POLA2: variants seen among roughly 807,000 people sequenced by gnomAD.
The protein encoded by POLA2 is DNA polymerase alpha 2, accessory subunit.
POLA2 carries 47 observed loss-of-function variants against 82.8 expected under a neutral mutation model. The ratio of observed to expected loss-of-function variants is 0.57; its 90% CI spans 0.45 to 0.72. The LOEUF is 0.72. Among genes scored for constraint, POLA2 ranks in the 30% least tolerant of loss-of-function variants. The probability of loss-of-function intolerance (pLI) is 0.00; values close to 1 mark genes in which losing one functional copy is unlikely to be tolerated. For synonymous variants in POLA2, 287 were observed against 286.8 expected (o/e 1.00, Z -0.01); for missense variants, 634 against 728.1 (o/e 0.87, Z 1.49).
At chr11:65,280,497 T>C (rs2137541132) in intron 7 of POLA2, 1 of 153,000 alleles carries the variant, frequency 6.5e-6, no homozygotes, top group South Asian at 2.1e-4. Context: ...TTTCTGTTGC[T>C]TGTTTTCCTC....
intron 4 of POLA2, among the ~76,000 whole-genome samples, chr11:65,274,800 G>A (rs1317190683): frequency 6.6e-5 from 10 of 152,084 alleles, no homozygotes; most frequent in African/African-American, 1.2e-4. Context: ...ACTATAATTT[G>A]TATATTCTAA....
chr11:65,294,423 G>T, intron 14 of POLA2, 123 bp from the exon 15 acceptor site: 1 of 978,922 alleles, frequency 1.0e-6, no homozygotes, highest in Non-Finnish European at 1.6e-6. Context: ...CCAAAAGCTT[G>T]ATGTATGTTG....
chr11:65,273,287 A>G (rs1251408478), intron 4 of POLA2, among the ~76,000 whole-genome samples: 1 of 152,118 alleles, frequency 6.6e-6, no homozygotes, highest in Admixed American at 6.6e-5. Context: ...GCCACTGCAC[A>G]CTCCACCCTG....
At chr11:65,279,688 G>A in intron 7 of POLA2, 62 bp downstream of exon 7, 1 of 1,134,430 alleles carries the variant, frequency 8.8e-7, no homozygotes, top group East Asian at 2.5e-5. Context: ...ATGACCAAGA[G>A]GCATCCTTCT....
downstream of POLA2, among the ~76,000 whole-genome samples, chr11:65,301,951 T>C (rs1335485575): frequency 6.6e-6 from 1 of 152,152 alleles, no homozygotes; most frequent in African/African-American, 2.4e-5. Context: ...CAGACCCAGC[T>C]GGACTGCCGC....
intron 10 of POLA2, among the ~76,000 whole-genome samples, chr11:65,285,359 C>T (rs1428857341): frequency 3.3e-5 from 5 of 151,742 alleles, no homozygotes; most frequent in East Asian, 1.9e-4. Context: ...GAGCCGAGAT[C>T]GCCAATGAAC....
chr11:65,295,365 G>A (rs2137595348), intron 15 of POLA2, among the ~76,000 whole-genome samples, 175 bp from the exon 16 acceptor site: 1 of 152,232 alleles, frequency 6.6e-6, no homozygotes, highest in Admixed American at 6.5e-5. Flanking sequence ...CCTCATGTGG[G>A]GACAGACTGA....
At chr11:65,277,321 G>A (rs906417821) in intron 5 of POLA2, among the ~76,000 whole-genome samples, 4 of 152,072 alleles carry the variant, frequency 2.6e-5, no homozygotes, top group African/African-American at 9.7e-5. Flanking sequence ...GGGACTACAG[G>A]TGTATGCTAC....
At position 65,268,790 on chromosome 11, in the gene POLA2, C is replaced by T. The variant is rs1352221067; in HGVS notation, c.354+61C>T. 9 of 1,114,770 alleles carry T rather than the reference C, an allele frequency of 8.1e-6. No individual in the cohort carries two copies. In the East Asian group the frequency reaches 2.4e-4, roughly 30 times the overall value. 69.1% of individuals were successfully genotyped at this position (1,114,770 alleles called of 1,614,324 possible). Reference sequence around the variant, plus strand: ...GTAACATTTTAAAATAGTTTCACAACATTTGAAGATCTGAGGGAAAAAATC... The same window carrying T: ...GTAACATTTTAAAATAGTTTCACAATATTTGAAGATCTGAGGGAAAAAATC... On this transcript the variant is annotated intron_variant, in intron 4 of 17. Transcript: ENST00000265465.
At chr11:65,303,396 C>T (rs909967854), downstream of POLA2, among the ~76,000 whole-genome samples, 3 of 150,246 alleles carry the variant, frequency 2.0e-5, no homozygotes, top group African/African-American at 7.3e-5. Context: ...GTGGCTCATG[C>T]TTATAATCCC....
intron 11 of POLA2, 48 bp downstream of exon 11, chr11:65,287,888 C>T (rs764271458): frequency 6.3e-7 from 1 of 1,580,132 alleles, no homozygotes; most frequent in Non-Finnish European, 8.6e-7. Context: ...TGGAAAATGG[C>T]TTTAATGAAG....
rs775933859 is a variant in POLA2, at chr11:65,289,832, T to G, written c.1204T>G (p.Phe402Val). Residue 402 changes from phenylalanine to valine, a missense_variant, in exon 13 of 18, where the codon TTC becomes GTC. Physicochemically the swap from Phe to Val is conservative, Grantham distance 50. Coordinates refer to ENST00000265465, the MANE Select transcript of POLA2 (RefSeq NM_002689.4). Reference protein sequence around the residue: ...CLLTSPFEDIFKQCLRTIIEG... With the variant: ...CLLTSPFEDIVKQCLRTIIEG... ...ACTGACAAGTCCATTTGAAGACATT[T>G]TCAAGCAGTGTCTACGAACAATTAT... The G allele has an allele frequency of 1.2e-6, 2 of 1,612,084 alleles. No homozygotes were observed. Among genetic ancestry groups the G allele is most frequent in the Middle Eastern group, 1.7e-4 (1 of 6,060 alleles).
intron 5 of POLA2, among the ~76,000 whole-genome samples, chr11:65,276,720 C>T (rs560936917): frequency 5.3e-5 from 8 of 152,138 alleles, no homozygotes; most frequent in Admixed American, 3.9e-4. Flanking sequence ...ACACCAACTG[C>T]CAGGAGTCAT....
At chr11:65,283,746 T>C (rs1210377661) in intron 10 of POLA2, among the ~76,000 whole-genome samples, 1 of 152,112 alleles carries the variant, frequency 6.6e-6, no homozygotes, top group Admixed American at 6.5e-5. Context: ...AGTGCTGGGA[T>C]TGCAGGCATG....
chr11:65,284,782 C>G (rs1046679995), intron 10 of POLA2, among the ~76,000 whole-genome samples: 1 of 152,118 alleles, frequency 6.6e-6, no homozygotes, highest in Admixed American at 6.5e-5. Flanking sequence ...CCGCCTCGGC[C>G]TCCCAAAATG....
chr11:65,290,989 G>A (rs1483852307), intron 13 of POLA2, among the ~76,000 whole-genome samples: 1 of 152,234 alleles, frequency 6.6e-6, no homozygotes, highest in East Asian at 1.9e-4. Flanking sequence ...GGAAGGAACT[G>A]TGAGAGGTTA....
At chr11:65,288,505 G>GTTTTTTTTTTTTTTTTTTT (rs796257357) in intron 11 of POLA2, among the ~76,000 whole-genome samples, 1 of 98,224 alleles carries the variant, frequency 1.0e-5, no homozygotes, top group Non-Finnish European at 2.3e-5. Context: ...TTGTTCGTTT[G>GTTTTTTTTTTTTTTTTTTT]TTTTTTGTTT....
At chr11:65,264,773 A>G (rs1949440262) in intron 1 of POLA2, among the ~76,000 whole-genome samples, 1 of 152,206 alleles carries the variant, frequency 6.6e-6, no homozygotes, top group South Asian at 2.1e-4. Context: ...TTCTGAAGCA[A>G]TTAAGGACAT....
At chr11:65,266,829 T>G in intron 2 of POLA2, 123 bp downstream of exon 2, 1 of 941,258 alleles carries the variant, frequency 1.1e-6, no homozygotes, top group Non-Finnish European at 1.6e-6. Context: ...AGTCCCAGTG[T>G]GAGCTTGGAC....
Sources: allele counts gnomAD v4.1 joint callset (sites outside exome capture counted in the v4.1 genomes callset), GRCh38; gene constraint gnomAD v4.1.1; transcripts MANE v1.5; gene names NCBI Gene and HGNC (gene_info 2026-07-23, HGNC 2026-07-21).